Variants in CACNA1B observed in about 807,000 individuals in gnomAD.
The protein encoded by CACNA1B is voltage-dependent N-type calcium channel subunit alpha-1B.
In CACNA1B, 70 loss-of-function variants were observed where a neutral mutation model predicts 247.2. That is an observed-to-expected ratio of 0.28 (90% CI 0.23 to 0.35). The LOEUF (loss-of-function observed/expected upper bound fraction) is 0.35, where lower values mean the gene tolerates loss of function less well. Ranked by LOEUF, CACNA1B falls within the 10% of genes least tolerant of loss-of-function variation. The probability of loss-of-function intolerance (pLI) is 1.00; values close to 1 mark genes in which losing one functional copy is unlikely to be tolerated. For missense variants in CACNA1B, 2,367 were observed against 3,197.4 expected (o/e 0.74, Z 6.26); for synonymous variants, 1,231 against 1,294.4 (o/e 0.95, Z 1.05).
intron 20 of CACNA1B, among the ~76,000 whole-genome samples, chr9:138,031,662 C>T (rs1329243556): frequency 6.6e-6 from 1 of 152,212 alleles, no homozygotes; most frequent in East Asian, 1.9e-4. Flanking sequence ...TAAGTTTTTG[C>T]GTCATGTGTT....
rs1303341409 is a variant in CACNA1B at position 138,109,997 on chromosome 9, T to C, written c.5429-2401T>C. Among the ~76,000 whole-genome samples the C allele has an allele frequency of 3.4e-4, 52 of 151,998 alleles. 1 individual carries two copies. Among genetic ancestry groups the C allele is most frequent in the Non-Finnish European group, 2.6e-4 (18 of 68,008 alleles). ...TGAACCTGGGAGTCGGAGGTTGCAG[T>C]GAGCCAAGATAGTGCCACTGTACTC... On this transcript the variant is annotated intron_variant, in intron 39 of 46. Transcript: ENST00000371372.
intron 6 of CACNA1B, among the ~76,000 whole-genome samples, chr9:137,928,927 AT>A (rs776992199): frequency 1.3e-5 from 2 of 152,060 alleles, no homozygotes; most frequent in Admixed American, 1.3e-4. Flanking sequence ...AAGTATTGGT[AT>A]TTTTTTGTCA....
At chr9:138,086,224 C>T (rs1160067536) in intron 36 of CACNA1B, among the ~76,000 whole-genome samples, 1 of 151,224 alleles carries the variant, frequency 6.6e-6, no homozygotes, top group Non-Finnish European at 1.5e-5. Context: ...CAACTATATA[C>T]TGCCTACAAG....
intron 40 of CACNA1B, among the ~76,000 whole-genome samples, chr9:138,114,033 G>A (rs1453096021): frequency 1.3e-5 from 2 of 152,142 alleles, no homozygotes; most frequent in African/African-American, 4.8e-5. Flanking sequence ...GAGACGTGAG[G>A]GAGCGCAGGA....
intron 3 of CACNA1B, among the ~76,000 whole-genome samples, chr9:137,894,933 C>T (rs1413431666): frequency 6.6e-6 from 1 of 152,100 alleles, no homozygotes; most frequent in Non-Finnish European, 1.5e-5. Flanking sequence ...GCTTGTGGTG[C>T]GAACTCTTTG....
intron 3 of CACNA1B, among the ~76,000 whole-genome samples, chr9:137,895,284 C>A (rs1957160301): frequency 6.6e-6 from 1 of 152,144 alleles, no homozygotes; most frequent in South Asian, 2.1e-4. Context: ...TTACTCCTCC[C>A]AATTTATTCT....
At chr9:137,975,572 C>T (rs1958209821) in intron 11 of CACNA1B, among the ~76,000 whole-genome samples, 1 of 152,170 alleles carries the variant, frequency 6.6e-6, no homozygotes, top group African/African-American at 2.4e-5. Context: ...CCTCATAGCC[C>T]CAGGACCTCC....
intron 15 of CACNA1B, among the ~76,000 whole-genome samples, chr9:137,994,442 G>A (rs1248066961): frequency 6.6e-6 from 1 of 152,174 alleles, no homozygotes; most frequent in Non-Finnish European, 1.5e-5. Flanking sequence ...GATTATTTAT[G>A]TTGAAAACCC....
intron 15 of CACNA1B, among the ~76,000 whole-genome samples, chr9:137,996,054 G>C (rs149711276): frequency 6.6e-6 from 1 of 152,224 alleles, no homozygotes; most frequent in African/African-American, 2.4e-5. Context: ...TACACTGTTA[G>C]TGAGAATGTG....
chr9:138,087,958 G>A (rs1427741964), intron 36 of CACNA1B, among the ~76,000 whole-genome samples: 2 of 151,906 alleles, frequency 1.3e-5, no homozygotes, highest in African/African-American at 4.8e-5. Flanking sequence ...GCATCTCAAG[G>A]AACTAGGAAT....
chr9:138,030,860 C>A (rs540645262), intron 20 of CACNA1B, among the ~76,000 whole-genome samples: 3 of 152,054 alleles, frequency 2.0e-5, no homozygotes, highest in Non-Finnish European at 4.4e-5. Context: ...TCCTTATTAT[C>A]CCTTTGATGT....
chr9:138,118,070 T>C lies in CACNA1B; in HGVS notation c.5902T>C (p.Ser1968Pro), dbSNP rs1459357124. Residue 1968 changes from serine (S) to proline (P), a missense_variant, in exon 43 of 47, where the codon TCA becomes CCA. Ser to Pro is a moderately conservative substitution (Grantham distance 74). Transcript: ENST00000371372. ...GHSTEIPVGR[S>P]GALAVDVQMQ... is the part of the protein sequence containing the mutation. ...CTCCACAGAGATCCCTGTGGGGCGGTCAGGAGCACTGGTGAGCACTCCCGG... is the reference window on the plus strand; with the variant it reads ...CTCCACAGAGATCCCTGTGGGGCGGCCAGGAGCACTGGTGAGCACTCCCGG... 1.9e-6 allele frequency: 3 copies of C among 1,567,030 alleles called. No homozygotes were observed. The highest frequency in any genetic ancestry group is 2.9e-5 in the African/African-American group (2 of 68,398).
At chr9:138,053,432 C>G (rs1197308056) in intron 25 of CACNA1B, among the ~76,000 whole-genome samples, 2 of 152,178 alleles carry the variant, frequency 1.3e-5, no homozygotes, top group Non-Finnish European at 2.9e-5. Context: ...CTTGCAGGGC[C>G]CTGGAATGCC....
At chr9:137,900,303 A>G (rs1206950227) in intron 3 of CACNA1B, among the ~76,000 whole-genome samples, 1 of 152,142 alleles carries the variant, frequency 6.6e-6, no homozygotes, top group Non-Finnish European at 1.5e-5. Context: ...GGGGCCCAGA[A>G]GAAGCCTGCA....
chr9:138,111,528 T>G (rs531097949), intron 39 of CACNA1B, among the ~76,000 whole-genome samples: 1 of 145,314 alleles, frequency 6.9e-6, no homozygotes, highest in Non-Finnish European at 1.6e-5. Flanking sequence ...CAGAGGAATT[T>G]GGGAGTGATC....
intron 43 of CACNA1B, 45 bp from the exon 44 acceptor site, chr9:138,118,607 C>T (rs199911758): frequency 1.7e-4 from 163 of 962,212 alleles, no homozygotes; most frequent in Admixed American, 3.3e-4. Context: ...CAGATGAGTC[C>T]GCGGTGCCTT....
At chr9:138,098,524 T>C (rs1381506592) in intron 37 of CACNA1B, among the ~76,000 whole-genome samples, 1 of 152,164 alleles carries the variant, frequency 6.6e-6, no homozygotes, top group Non-Finnish European at 1.5e-5. Context: ...AACAAAGGCC[T>C]GTGAGAGGAT....
chr9:138,016,057 CACAG>C (rs1958788169), intron 18 of CACNA1B, among the ~76,000 whole-genome samples: 1 of 152,142 alleles, frequency 6.6e-6, no homozygotes, highest in Non-Finnish European at 1.5e-5. Flanking sequence ...CACAGACTCA[CACAG>C]ACACACACAC....
rs202131257 is a variant in CACNA1B, at chr9:138,120,603, G to A, written c.6239-28G>A. ...AGGGGTCCCTGCCTTGGGCCTGGCC[G>A]TGCTAACTTCTTCTCTTCCCTGGCC... On this transcript the variant is annotated intron_variant, in intron 45 of 46. Coordinates refer to ENST00000371372, the MANE Select transcript of CACNA1B (RefSeq NM_000718.4). The A allele has an allele frequency of 4.7e-4, 694 of 1,477,246 alleles. 10 individuals are homozygous for A. In the South Asian group the frequency reaches 8.5e-3, roughly 18 times the overall value. 91.5% of individuals were successfully genotyped at this position (1,477,246 alleles called of 1,614,324 possible).
Sources: gnomAD v4.1 joint callset for allele counts (sites outside exome capture counted in the v4.1 genomes callset) on GRCh38, gnomAD v4.1.1 for gene constraint, MANE v1.5 for transcripts, NCBI Gene and HGNC (gene_info 2026-07-23, HGNC 2026-07-21) for gene names.